The following RNF121 variants were observed in gnomAD, a reference collection of about 807,000 sequenced individuals.
RNF121 encodes the protein ring finger protein 121.
In RNF121, 21 loss-of-function variants were observed where a neutral mutation model predicts 46.5. That is an observed-to-expected ratio of 0.45 (90% CI 0.32 to 0.65). The LOEUF (loss-of-function observed/expected upper bound fraction) is 0.65. Among genes scored for constraint, RNF121 ranks in the 30% least tolerant of loss-of-function variants. RNF121 has a pLI of 0.04. For missense variants in RNF121, 346 were observed against 416.0 expected (o/e 0.83, Z 1.46); for synonymous variants, 139 against 144.7 (o/e 0.96, Z 0.28).
chr11:71,995,122 G>A, intron 7 of RNF121: 2 of 565,510 alleles, frequency 3.5e-6, no homozygotes, highest in Non-Finnish European at 3.2e-6. Context: ...AGTCACAGGG[G>A]AAGAGGACCC....
intron 6 of RNF121, among the ~76,000 whole-genome samples, chr11:71,994,132 G>A (rs1035750074): frequency 1.5e-4 from 23 of 152,162 alleles, no homozygotes; most frequent in African/African-American, 4.8e-4. Flanking sequence ...CAGCCACCGC[G>A]CCCAGCCTCC....
chr11:71,943,717 G>T (rs1043406574), intron 1 of RNF121, among the ~76,000 whole-genome samples: 1 of 152,150 alleles, frequency 6.6e-6, no homozygotes, highest in Admixed American at 6.5e-5. Context: ...GCAGGCAAGG[G>T]ATCAGAAAAG....
intron 1 of RNF121, among the ~76,000 whole-genome samples, chr11:71,931,371 TTTG>T (rs772123476): frequency 2.8e-4 from 43 of 152,172 alleles, no homozygotes; most frequent in Non-Finnish European, 5.1e-4. Context: ...TTCTATCTTT[TTTG>T]TTGTTGTATG....
At chr11:71,954,134 T>G (rs1953938629) in intron 1 of RNF121, among the ~76,000 whole-genome samples, 1 of 152,160 alleles carries the variant, frequency 6.6e-6, no homozygotes, top group African/African-American at 2.4e-5. Flanking sequence ...CAAGGTGCCT[T>G]CAGACTGAGT....
chr11:71,937,447 G>A (rs1017867908), intron 1 of RNF121, among the ~76,000 whole-genome samples: 1 of 151,994 alleles, frequency 6.6e-6, no homozygotes, highest in Non-Finnish European at 1.5e-5. Context: ...GGAGTAGCTG[G>A]GATTACAGAC....
At chr11:71,953,022 A>G (rs181355332) in intron 1 of RNF121, among the ~76,000 whole-genome samples, 2 of 152,284 alleles carry the variant, frequency 1.3e-5, no homozygotes, top group East Asian at 3.9e-4. Flanking sequence ...GAGATTTTGT[A>G]CAGAATAGTA....
At chr11:71,953,813 G>A (rs1010013594) in intron 1 of RNF121, among the ~76,000 whole-genome samples, 1 of 152,210 alleles carries the variant, frequency 6.6e-6, no homozygotes, top group African/African-American at 2.4e-5. Context: ...TGATATTTTG[G>A]GGGGACAGGA....
intron 3 of RNF121, among the ~76,000 whole-genome samples, chr11:71,982,144 CCTAG>C (rs1374901327): frequency 6.6e-6 from 1 of 151,810 alleles, no homozygotes; most frequent in African/African-American, 2.4e-5. Context: ...GATTTGACAG[CCTAG>C]CTAAGAATGT....
At chr11:71,929,211 A>T in intron 1 of RNF121, 87 bp downstream of exon 1, 3 of 1,483,986 alleles carry the variant, frequency 2.0e-6, no homozygotes, top group Non-Finnish European at 2.7e-6. Context: ...GTCTTAGGAG[A>T]GAAGGGAAAG....
Position 71,971,415 on chromosome 11 carries a change from T to G in RNF121, c.243+10524T>G, listed in dbSNP as rs553656803. 9.2e-5 allele frequency among the ~76,000 whole-genome samples: 14 copies of G among 152,210 alleles called. 1 individual carries two copies. In the South Asian group the frequency reaches 2.7e-3, roughly 29 times the overall value. ...ATAAGTAAATGAACTTTTTTAAAAA[T>G]AAAAATATAAGCAAGTAAGAAAGAT... On this transcript the variant is annotated intron_variant, in intron 3 of 8. Transcript: ENST00000361756.
intron 1 of RNF121, among the ~76,000 whole-genome samples, chr11:71,944,418 C>T (rs1368785952): frequency 6.6e-6 from 1 of 152,124 alleles, no homozygotes; most frequent in African/African-American, 2.4e-5. Flanking sequence ...GGAGGAGGGA[C>T]TAAGGGGCAG....
intron 2 of RNF121, among the ~76,000 whole-genome samples, chr11:71,958,577 C>T (rs2134174072): frequency 6.6e-6 from 1 of 151,948 alleles, no homozygotes; most frequent in Middle Eastern, 3.4e-3. Context: ...ATATTAGTAC[C>T]TGCCCAGGTG....
chr11:71,995,293 C>G, intron 7 of RNF121, 157 bp from the exon 8 acceptor site: 1 of 645,064 alleles, frequency 1.6e-6, no homozygotes, highest in Non-Finnish European at 2.8e-6. Flanking sequence ...GATCATTATC[C>G]TTACTTCACA....
chr11:71,992,997 T>A (rs1197880385), intron 6 of RNF121, among the ~76,000 whole-genome samples: 1 of 152,194 alleles, frequency 6.6e-6, no homozygotes, highest in Non-Finnish European at 1.5e-5. Flanking sequence ...TTGGGTAACT[T>A]TAATCTAGTA....
intron 1 of RNF121, among the ~76,000 whole-genome samples, chr11:71,946,697 G>A (rs531039191): frequency 3.4e-5 from 5 of 149,138 alleles, no homozygotes; most frequent in African/African-American, 9.9e-5. Context: ...TAAGATGGTT[G>A]CATCTTATTT....
At chr11:71,956,587 A>G (rs887062401) in intron 1 of RNF121, among the ~76,000 whole-genome samples, 6 of 152,228 alleles carry the variant, frequency 3.9e-5, no homozygotes, top group African/African-American at 9.6e-5. Context: ...GGCAAGAACT[A>G]AATTCAGTTT....
intron 1 of RNF121, among the ~76,000 whole-genome samples, chr11:71,942,772 G>GTATATATA (rs1201537010): frequency 5.3e-5 from 1 of 18,928 alleles, no homozygotes; most frequent in African/African-American, 8.6e-5. Context: ...CTATATATCT[G>GTATATATA]TATATATATA....
chr11:71,936,306 G>T (rs1953408526), intron 1 of RNF121, among the ~76,000 whole-genome samples: 1 of 152,058 alleles, frequency 6.6e-6, no homozygotes, highest in Non-Finnish European at 1.5e-5. Context: ...AAAACCTCAT[G>T]CTCTGGCAGA....
At chr11:71,940,072 C>T (rs1276204591) in intron 1 of RNF121, among the ~76,000 whole-genome samples, 12 of 152,150 alleles carry the variant, frequency 7.9e-5, no homozygotes, top group Non-Finnish European at 1.5e-4. Flanking sequence ...GGATAGGAGG[C>T]CACTTTAGGC....
Sources: allele counts gnomAD v4.1 joint callset (sites outside exome capture counted in the v4.1 genomes callset), GRCh38; gene constraint gnomAD v4.1.1; transcripts MANE v1.5; gene names NCBI Gene and HGNC (gene_info 2026-07-23, HGNC 2026-07-21).